Variants in CNTN5 observed in about 807,000 individuals in gnomAD.
The protein encoded by CNTN5 is contactin-5.
CNTN5 carries 77 observed loss-of-function variants against 129.1 expected under a neutral mutation model. The observed-to-expected ratio is 0.60, with a 90% confidence interval of 0.50 to 0.72. The LOEUF (loss-of-function observed/expected upper bound fraction) is 0.72, where lower values mean the gene tolerates loss of function less well. Among genes scored for constraint, CNTN5 ranks in the 30% least tolerant of loss-of-function variants. The pLI is 0.00. For missense variants in CNTN5, 1,478 were observed against 1,328.8 expected, an observed-to-expected ratio of 1.11 and a Z score of -1.75; for synonymous variants, 509 against 465.6, an observed-to-expected ratio of 1.09 and a Z score of -1.20.
intron 3 of CNTN5, among the ~76,000 whole-genome samples, chr11:99,781,497 C>A (rs1299950908): frequency 6.6e-6 from 1 of 151,940 alleles, no homozygotes; most frequent in African/African-American, 2.4e-5. Context: ...CTTCTTAACC[C>A]CTTATCTTGT....
chr11:99,153,125 G>A (rs548954794), intron 1 of CNTN5, among the ~76,000 whole-genome samples: 5 of 152,264 alleles, frequency 3.3e-5, no homozygotes, highest in African/African-American at 9.6e-5. Context: ...GTGTCTTGGG[G>A]ATGGGCTTCT....
intron 1 of CNTN5, among the ~76,000 whole-genome samples, chr11:99,244,245 G>T (rs1359702180): frequency 6.6e-6 from 1 of 152,008 alleles, no homozygotes; most frequent in Non-Finnish European, 1.5e-5. Context: ...TTCTCAATTT[G>T]CCTCTAAGCT....
chr11:99,746,434 G>C (rs1944058328), intron 3 of CNTN5, among the ~76,000 whole-genome samples: 1 of 152,148 alleles, frequency 6.6e-6, no homozygotes, highest in Non-Finnish European at 1.5e-5. Flanking sequence ...TCTACATGAA[G>C]GGTCCTCCAC....
At chr11:99,693,918 G>A (rs1954147788) in intron 3 of CNTN5, among the ~76,000 whole-genome samples, 1 of 152,038 alleles carries the variant, frequency 6.6e-6, no homozygotes, top group Admixed American at 6.6e-5. Context: ...TATCTAAGAT[G>A]CCTAAAAGGC....
At chr11:100,067,964 G>A (rs376345679) in intron 10 of CNTN5, among the ~76,000 whole-genome samples, 2 of 151,880 alleles carry the variant, frequency 1.3e-5, no homozygotes, top group Non-Finnish European at 2.9e-5. Flanking sequence ...AATTTCTAAT[G>A]GATTGTTTTC....
chr11:99,347,386 T>C (rs1176612833), intron 2 of CNTN5, among the ~76,000 whole-genome samples: 1 of 152,196 alleles, frequency 6.6e-6, no homozygotes, highest in Non-Finnish European at 1.5e-5. Context: ...TTTATGAATC[T>C]CAATGTTTAG....
chr11:99,086,231 C>T lies in CNTN5; in HGVS notation c.-210+64961C>T, dbSNP rs139356617. Among the ~76,000 whole-genome samples the T allele has an allele frequency of 4.5e-3, 688 of 152,298 alleles. 5 individuals are homozygous for T. The highest frequency in any genetic ancestry group is 0.015 in the African/African-American group (644 of 41,552). On this transcript the variant is annotated intron_variant, in intron 1 of 24. Transcript: ENST00000524871. ...TCCCAAATGCAAAGTGGAAGCCAGCCCTGAACAGGGTGCCATTCCATCTCA... is the reference window on the plus strand; with the variant it reads ...TCCCAAATGCAAAGTGGAAGCCAGCTCTGAACAGGGTGCCATTCCATCTCA...
intron 3 of CNTN5, among the ~76,000 whole-genome samples, chr11:99,815,476 T>G (rs1190371618): frequency 1.3e-5 from 2 of 152,140 alleles, no homozygotes; most frequent in Non-Finnish European, 2.9e-5. Flanking sequence ...CCCACAATAC[T>G]GTAAATCAGT....
chr11:100,184,830 G>A (rs947219977), intron 13 of CNTN5, among the ~76,000 whole-genome samples: 4 of 152,130 alleles, frequency 2.6e-5, no homozygotes, highest in Non-Finnish European at 1.5e-5. Context: ...AGTTGATACA[G>A]TATGGCTCTG....
chr11:99,882,020 T>C (rs185565729), intron 6 of CNTN5, among the ~76,000 whole-genome samples: 2 of 152,182 alleles, frequency 1.3e-5, no homozygotes, highest in Non-Finnish European at 2.9e-5. Context: ...TAAGCTCAGA[T>C]AGTGTAGTTT....
At chr11:100,008,720 T>A (rs1940337628) in intron 9 of CNTN5, among the ~76,000 whole-genome samples, 1 of 152,138 alleles carries the variant, frequency 6.6e-6, no homozygotes, top group South Asian at 2.1e-4. Context: ...ACTATTCGCC[T>A]TTTTGGTTCC....
intron 1 of CNTN5, among the ~76,000 whole-genome samples, chr11:99,105,818 A>G (rs984124549): frequency 6.6e-6 from 1 of 152,174 alleles, no homozygotes; most frequent in South Asian, 2.1e-4. Context: ...GCATCCCATG[A>G]GACAAGACAG....
chr11:99,517,889 T>C (rs1385547471), intron 2 of CNTN5, among the ~76,000 whole-genome samples: 1 of 152,092 alleles, frequency 6.6e-6, no homozygotes, highest in Non-Finnish European at 1.5e-5. Flanking sequence ...TTATATTTTG[T>C]GTGCAAACCT....
intron 8 of CNTN5, among the ~76,000 whole-genome samples, chr11:99,961,225 A>AAAC (rs58737016): frequency 6.6e-6 from 1 of 151,222 alleles, no homozygotes; most frequent in African/African-American, 2.4e-5. Flanking sequence ...AAAAAAAAAA[A>AAAC]CAGTAGAATA....
intron 2 of CNTN5, among the ~76,000 whole-genome samples, chr11:99,477,298 T>C (rs1379967757): frequency 6.6e-6 from 1 of 151,996 alleles, no homozygotes; most frequent in Non-Finnish European, 1.5e-5. Context: ...ATTTTCTGTA[T>C]AGTTATTTTC....
At chr11:99,310,827 A>T (rs1211617839) in intron 1 of CNTN5, among the ~76,000 whole-genome samples, 1 of 152,064 alleles carries the variant, frequency 6.6e-6, no homozygotes, top group Non-Finnish European at 1.5e-5. Context: ...ATATTTGGTG[A>T]CTCTCTATTG....
At chr11:99,649,920 A>G (rs1029244884) in intron 3 of CNTN5, among the ~76,000 whole-genome samples, 1 of 151,766 alleles carries the variant, frequency 6.6e-6, no homozygotes, top group Non-Finnish European at 1.5e-5. Flanking sequence ...CAGCAAACCT[A>G]TACCACTTCT....
At chr11:100,323,944 A>G (rs1951743898) in intron 21 of CNTN5, among the ~76,000 whole-genome samples, 1 of 152,188 alleles carries the variant, frequency 6.6e-6, no homozygotes, top group Non-Finnish European at 1.5e-5. Flanking sequence ...GTCATATAAT[A>G]TCATTAACTA....
At chr11:99,454,569 G>A (rs1202699806) in intron 2 of CNTN5, among the ~76,000 whole-genome samples, 1 of 152,036 alleles carries the variant, frequency 6.6e-6, no homozygotes, top group African/African-American at 2.4e-5. Context: ...GTAGTCCAAC[G>A]CTTTACCTCC....
Sources: gnomAD v4.1 joint callset for allele counts (sites outside exome capture counted in the v4.1 genomes callset) on GRCh38, gnomAD v4.1.1 for gene constraint, MANE v1.5 for transcripts, NCBI Gene and HGNC (gene_info 2026-07-23, HGNC 2026-07-21) for gene names.